The following KCNB2 variants were observed in gnomAD, a reference collection of about 807,000 sequenced individuals.
The protein encoded by KCNB2 is delayed rectifier potassium channel protein.
Under a neutral mutation model 61.5 loss-of-function variants are expected in KCNB2, and 15 were observed. The ratio of observed to expected loss-of-function variants is 0.24; its 90% confidence interval spans 0.16 to 0.38. The LOEUF (loss-of-function observed/expected upper bound fraction) is 0.38, where lower values mean the gene tolerates loss of function less well. KCNB2 is among the 10% of genes least tolerant of loss of function. The pLI is 1.00. For missense variants in KCNB2, 828 were observed against 1,125.2 expected, an observed-to-expected ratio of 0.74 and a Z score of 3.78; for synonymous variants, 457 against 446.0, an observed-to-expected ratio of 1.02 and a Z score of -0.31.
At chr8:72,884,604 T>C (rs1563412982) in intron 2 of KCNB2, among the ~76,000 whole-genome samples, 1 of 152,238 alleles carries the variant, frequency 6.6e-6, no homozygotes, top group South Asian at 2.1e-4. Flanking sequence ...ATTTAAATCA[T>C]TGATCCCTCT....
intron 2 of KCNB2, among the ~76,000 whole-genome samples, chr8:72,752,769 A>G (rs2249411): frequency 0.34 from 52,451 of 152,066 alleles, 9,498 homozygotes; most frequent in African/African-American, 0.45. Flanking sequence ...AGAACTGTGA[A>G]TAACACAGAA....
At chr8:72,549,178 C>G (rs771631523) in intron 1 of KCNB2, among the ~76,000 whole-genome samples, 24 of 152,116 alleles carry the variant, frequency 1.6e-4, no homozygotes, top group Non-Finnish European at 2.9e-4. Context: ...ACAGTTGTGC[C>G]AGGGCATGGC....
At chr8:72,575,781 T>C (rs1402806720) in intron 2 of KCNB2, among the ~76,000 whole-genome samples, 1 of 152,224 alleles carries the variant, frequency 6.6e-6, no homozygotes, top group Non-Finnish European at 1.5e-5. Context: ...AGAAGAAATG[T>C]ATTTTAAATC....
At chr8:72,751,275 T>A (rs911081611) in intron 2 of KCNB2, 6 of 152,112 alleles carry the variant, frequency 3.9e-5, no homozygotes, top group Non-Finnish European at 7.4e-5. Context: ...CCTCTTCCTA[T>A]GGAGGAAATG....
intron 2 of KCNB2, among the ~76,000 whole-genome samples, chr8:72,789,002 G>T (rs1235363422): frequency 1.3e-5 from 2 of 152,094 alleles, no homozygotes; most frequent in African/African-American, 4.8e-5. Context: ...CCTACCATGT[G>T]CCAGACACTA....
chr8:72,936,044 A>G lies in KCNB2; in HGVS notation c.689A>G (p.Asn230Ser), dbSNP rs80234000. ...ETDEFGQLND[N>S]RQLAHVEAVC... is the part of the protein sequence containing the mutation. ...GACGAATTTGGACAACTCAATGACA[A>G]CCGCCAATTAGCACACGTGGAGGCT... is the stretch of plus-strand genomic sequence containing the variant. Residue 230 changes from asparagine (N) to serine (S), a missense_variant, in exon 3 of 3, where the codon AAC (asparagine) becomes AGC (serine). Asn to Ser is a conservative substitution (Grantham distance 46). Transcript: ENST00000523207. This position sits in a 1 kb window ranked among gnomAD's most constrained non-coding sequence, Gnocchi z 5.6. 1 of 1,614,148 alleles carries G rather than the reference A, an allele frequency of 6.2e-7. No individual in the cohort carries two copies. Among genetic ancestry groups the G allele is most frequent in the South Asian group, 1.1e-5 (1 of 91,072 alleles).
chr8:72,632,454 A>G (rs1318911143), intron 2 of KCNB2, among the ~76,000 whole-genome samples: 3 of 152,160 alleles, frequency 2.0e-5, no homozygotes, highest in Non-Finnish European at 4.4e-5. Flanking sequence ...GGAGACTGTT[A>G]GTCTGAAAAA....
intron 2 of KCNB2, among the ~76,000 whole-genome samples, chr8:72,799,319 C>T (rs1809084457): frequency 6.6e-6 from 1 of 152,108 alleles, no homozygotes; most frequent in Non-Finnish European, 1.5e-5. Context: ...CTCCTGACCC[C>T]CATCTAAAAA....
At chr8:72,568,851 A>G (rs1172306483) in intron 2 of KCNB2, among the ~76,000 whole-genome samples, 2 of 152,176 alleles carry the variant, frequency 1.3e-5, no homozygotes, top group Non-Finnish European at 2.9e-5. Context: ...AAATGAGTCA[A>G]TGTCCAGAAT....
At chr8:72,653,243 G>A (rs1330041011) in intron 2 of KCNB2, among the ~76,000 whole-genome samples, 2 of 152,074 alleles carry the variant, frequency 1.3e-5, no homozygotes, top group East Asian at 1.9e-4. Flanking sequence ...TCTCTTGGAG[G>A]ACCACTCTTC....
chr8:72,578,980 A>C (rs1407722002), intron 2 of KCNB2, among the ~76,000 whole-genome samples: 1 of 152,192 alleles, frequency 6.6e-6, no homozygotes, highest in Non-Finnish European at 1.5e-5. Flanking sequence ...TGTGCAGAAG[A>C]GGTTCTCTAA....
At chr8:72,926,315 C>G (rs1472053011) in intron 2 of KCNB2, among the ~76,000 whole-genome samples, 1 of 152,126 alleles carries the variant, frequency 6.6e-6, no homozygotes, top group Non-Finnish European at 1.5e-5. Context: ...TATTAGAATA[C>G]TCTTTAACAT....
intron 2 of KCNB2, among the ~76,000 whole-genome samples, chr8:72,678,622 A>G (rs1351287419): frequency 6.6e-6 from 1 of 152,216 alleles, no homozygotes; most frequent in Non-Finnish European, 1.5e-5. Context: ...ATTCTTTGAT[A>G]AAACCCTTGC....
In KCNB2 at chr8:72,607,831, A is replaced by G. The variant is rs551812174; in HGVS notation, c.579+39518A>G. On this transcript the variant is annotated intron_variant, in intron 2 of 2. Transcript: ENST00000523207. ...AACAATATAAAACACTAGAAATAAA[A>G]TTTAATTTGTGTAACACATTTTGAA... 2.2e-4 allele frequency among the ~76,000 whole-genome samples: 34 copies of G among 152,320 alleles called. No homozygotes were observed. In the South Asian group the frequency reaches 3.7e-3, roughly 17 times the overall value.
intron 2 of KCNB2, among the ~76,000 whole-genome samples, chr8:72,628,300 T>C (rs945250346): frequency 6.6e-5 from 10 of 152,018 alleles, no homozygotes; most frequent in Admixed American, 6.6e-4. Flanking sequence ...TCCTGTAGGA[T>C]TTTTTGCCCA....
intron 2 of KCNB2, among the ~76,000 whole-genome samples, chr8:72,852,750 G>GT (rs11414108): frequency 0.85 from 129,780 of 152,146 alleles, 56,310 homozygotes; most frequent in Middle Eastern, 0.97. Flanking sequence ...GTACTGAAAA[G>GT]TTTTAATTGT....
chr8:72,834,393 G>A (rs1219938129), intron 2 of KCNB2, among the ~76,000 whole-genome samples: 1 of 152,150 alleles, frequency 6.6e-6, no homozygotes, highest in East Asian at 1.9e-4. Context: ...AATAGCTGAA[G>A]CAGACAGGGC....
chr8:72,706,766 C>T (rs1807232497), intron 2 of KCNB2, among the ~76,000 whole-genome samples: 1 of 152,214 alleles, frequency 6.6e-6, no homozygotes, highest in Non-Finnish European at 1.5e-5. Context: ...AAAGTTGCCA[C>T]AAATTTCTTA....
intron 2 of KCNB2, among the ~76,000 whole-genome samples, chr8:72,680,498 G>A (rs1806733340): frequency 6.6e-6 from 1 of 152,180 alleles, no homozygotes; most frequent in Non-Finnish European, 1.5e-5. Flanking sequence ...GCATCGTATG[G>A]ACGTGGATTG....
Sources: gnomAD v4.1 joint callset for allele counts (sites outside exome capture counted in the v4.1 genomes callset) on GRCh38, gnomAD v4.1.1 for gene constraint, Gnocchi (gnomAD v3.1) non-coding constraint, MANE v1.5 for transcripts, NCBI Gene and HGNC (gene_info 2026-07-23, HGNC 2026-07-21) for gene names.